The following PPP3CA variants were observed in gnomAD, a reference collection of about 807,000 sequenced individuals.
PPP3CA encodes protein phosphatase 3 catalytic subunit alpha.
In PPP3CA, 14 loss-of-function variants were observed where a neutral mutation model predicts 66.5. That is an observed-to-expected ratio of 0.21 (90% CI 0.14 to 0.33). The LOEUF is 0.33. Among genes scored for constraint, PPP3CA ranks in the 10% least tolerant of loss-of-function variants. The probability of loss-of-function intolerance (pLI) is 1.00; values close to 1 mark genes in which losing one functional copy is unlikely to be tolerated. For missense variants in PPP3CA, 317 were observed against 639.5 expected (o/e 0.50, Z 5.44); for synonymous variants, 232 against 226.2 (o/e 1.03, Z -0.23).
chr4:101,318,610 T>C (rs1728950139), intron 1 of PPP3CA, among the ~76,000 whole-genome samples: 1 of 152,156 alleles, frequency 6.6e-6, no homozygotes. Context: ...ATCCAGTATA[T>C]AGTACAAGCA....
chr4:101,027,362 G>GAT (rs1291572073), intron 13 of PPP3CA, among the ~76,000 whole-genome samples: 1 of 151,718 alleles, frequency 6.6e-6, no homozygotes, highest in Non-Finnish European at 1.5e-5. Context: ...ATTCCTAAAA[G>GAT]ATATACACAG....
intron 8 of PPP3CA, among the ~76,000 whole-genome samples, chr4:101,073,904 T>C (rs925780709): frequency 3.3e-5 from 5 of 152,218 alleles, no homozygotes; most frequent in African/African-American, 9.6e-5. Flanking sequence ...ACGTTTTTTA[T>C]ACTGCAGTAA....
intron 2 of PPP3CA, among the ~76,000 whole-genome samples, chr4:101,119,077 T>C (rs1019288000): frequency 2.2e-4 from 34 of 151,544 alleles, no homozygotes; most frequent in Non-Finnish European, 1.2e-4. Flanking sequence ...TTTCAGAAAC[T>C]GTCTACCTAA....
At chr4:101,124,661 GAC>G (rs1553926613) in intron 2 of PPP3CA, among the ~76,000 whole-genome samples, 134 of 108,930 alleles carry the variant, frequency 1.2e-3, no homozygotes, top group African/African-American at 4.8e-3. Flanking sequence ...GGGAGAGAGA[GAC>G]AGAAAGAAAG....
chr4:101,143,505 T>C (rs1246537769), intron 2 of PPP3CA, among the ~76,000 whole-genome samples: 4 of 152,190 alleles, frequency 2.6e-5, no homozygotes, highest in Admixed American at 1.3e-4. Flanking sequence ...TCACTCTTGA[T>C]TCACTATAAT....
At chr4:101,198,892 G>C (rs1022551856) in intron 1 of PPP3CA, among the ~76,000 whole-genome samples, 8 of 152,092 alleles carry the variant, frequency 5.3e-5, no homozygotes, top group Non-Finnish European at 1.2e-4. Context: ...AATAAACAGG[G>C]GGGACAAAGG....
At chr4:101,325,846 G>C (rs960765647) in intron 1 of PPP3CA, among the ~76,000 whole-genome samples, 10 of 152,040 alleles carry the variant, frequency 6.6e-5, no homozygotes, top group Non-Finnish European at 1.3e-4. Flanking sequence ...GTCTGGGATC[G>C]GCTTTAAAAT....
intron 1 of PPP3CA, among the ~76,000 whole-genome samples, chr4:101,215,247 T>C (rs1384613396): frequency 1.3e-5 from 2 of 151,974 alleles, no homozygotes; most frequent in African/African-American, 4.8e-5. Flanking sequence ...AAATCTGTTT[T>C]CAAAGTTTTA....
intron 2 of PPP3CA, among the ~76,000 whole-genome samples, chr4:101,178,262 G>A (rs1724126437): frequency 6.6e-6 from 1 of 151,986 alleles, no homozygotes; most frequent in Non-Finnish European, 1.5e-5. Flanking sequence ...CAGTTGTTAT[G>A]TGAAAGAATC....
At chr4:101,099,840 A>G in intron 3 of PPP3CA, 118 bp from the exon 4 acceptor site, 1 of 456,604 alleles carries the variant, frequency 2.2e-6, no homozygotes, top group East Asian at 3.9e-5. Flanking sequence ...AAGTCCCCCA[A>G]AAGGCTGGAA....
intron 1 of PPP3CA, among the ~76,000 whole-genome samples, chr4:101,221,538 G>A (rs1325191937): frequency 6.6e-6 from 1 of 151,220 alleles, no homozygotes; most frequent in Non-Finnish European, 1.5e-5. Flanking sequence ...TTCCCAACTG[G>A]AATTCTGAGA....
intron 9 of PPP3CA, among the ~76,000 whole-genome samples, chr4:101,062,908 A>C (rs1728532143): frequency 6.6e-6 from 1 of 152,042 alleles, no homozygotes; most frequent in Non-Finnish European, 1.5e-5. Context: ...CAAATGGGTA[A>C]GGAAAAAGGG....
intron 1 of PPP3CA, among the ~76,000 whole-genome samples, chr4:101,332,364 A>T (rs973928873): frequency 2.0e-5 from 3 of 152,204 alleles, no homozygotes; most frequent in African/African-American, 7.2e-5. Flanking sequence ...TTCAGTCAAG[A>T]TGAGATAGCA....
At position 101,184,198 on chromosome 4, in the gene PPP3CA, T is replaced by C. The variant is rs1429555656; in HGVS notation, c.259+11718A>G. The stretch of plus-strand genomic sequence containing the variant: ...ACCTGACTATGCTCGTTAGTTGTGA[T>C]ACAGGCAGTTAAAGCCACAGAAGAA... On this transcript the variant is annotated intron_variant, in intron 2 of 13. Coordinates refer to ENST00000394854, the MANE Select transcript of PPP3CA (RefSeq NM_000944.5). 2.6e-5 allele frequency among the ~76,000 whole-genome samples: 4 copies of C among 152,308 alleles called. 1 individual carries two copies. The highest frequency in any genetic ancestry group is 2.1e-4 in the South Asian group (1 of 4,830).
intron 1 of PPP3CA, among the ~76,000 whole-genome samples, chr4:101,289,566 C>T (rs1727952979): frequency 1.3e-5 from 2 of 152,074 alleles, no homozygotes; most frequent in South Asian, 2.1e-4. Flanking sequence ...AATAAAACTC[C>T]CTTTCTGAAT....
intron 1 of PPP3CA, among the ~76,000 whole-genome samples, chr4:101,212,369 C>T (rs1318704676): frequency 6.6e-6 from 1 of 152,050 alleles, no homozygotes; most frequent in East Asian, 1.9e-4. Flanking sequence ...GAACAGAAAA[C>T]CAAATAGGCC....
intron 9 of PPP3CA, among the ~76,000 whole-genome samples, 183 bp downstream of exon 9, chr4:101,063,049 A>G (rs1728541378): frequency 6.6e-6 from 1 of 151,048 alleles, no homozygotes; most frequent in Non-Finnish European, 1.5e-5. Flanking sequence ...CCCCTCATTC[A>G]CCAATTGTGT....
chr4:101,220,083 G>T (rs894501594), intron 1 of PPP3CA, among the ~76,000 whole-genome samples: 3 of 151,754 alleles, frequency 2.0e-5, no homozygotes, highest in African/African-American at 7.2e-5. Flanking sequence ...TAAAACAGAT[G>T]ATCACACTTA....
At chr4:101,149,283 T>C (rs1407420532) in intron 2 of PPP3CA, among the ~76,000 whole-genome samples, 2 of 152,184 alleles carry the variant, frequency 1.3e-5, no homozygotes, top group Non-Finnish European at 2.9e-5. Context: ...TGCCTTCACA[T>C]GCTTTATCAC....
Sources: gnomAD v4.1 joint callset for allele counts (sites outside exome capture counted in the v4.1 genomes callset) on GRCh38, gnomAD v4.1.1 for gene constraint, MANE v1.5 for transcripts, NCBI Gene and HGNC (gene_info 2026-07-23, HGNC 2026-07-21) for gene names.